Variants in ELN observed in about 807,000 individuals in gnomAD.
ELN encodes the protein elastin.
In ELN, 65 loss-of-function variants were observed where a neutral mutation model predicts 105.8. That is an observed-to-expected ratio of 0.61 (90% CI 0.50 to 0.75). The LOEUF (loss-of-function observed/expected upper bound fraction) is 0.75. Among genes scored for constraint, ELN ranks in the 30% least tolerant of loss-of-function variants. ELN has a pLI of 0.00. For synonymous variants in ELN, 368 were observed against 389.2 expected, an observed-to-expected ratio of 0.95 and a Z score of 0.64; for missense variants, 882 against 969.4, an observed-to-expected ratio of 0.91 and a Z score of 1.20.
intron 8 of ELN, 150 bp from the exon 9 acceptor site, chr7:74,043,729 T>C: frequency 1.1e-6 from 1 of 940,440 alleles, no homozygotes. Flanking sequence ...GGAGGAGGGT[T>C]GTGGCCACCC....
chr7:74,041,376 G>A, intron 5 of ELN, 125 bp downstream of exon 5: 3 of 1,234,088 alleles, frequency 2.4e-6, no homozygotes, highest in Non-Finnish European at 3.5e-6. Context: ...GGCACTGACG[G>A]GGACTGATGC....
At chr7:74,066,921 C>G (rs868986022) in intron 32 of ELN, 145 bp downstream of exon 32, 1 of 815,374 alleles carries the variant, frequency 1.2e-6, no homozygotes, top group Middle Eastern at 3.0e-4. Context: ...GGCTGGACCC[C>G]GAGCTGAATG....
chr7:74,061,935 G>A (rs1398157819), intron 26 of ELN, among the ~76,000 whole-genome samples: 1 of 152,136 alleles, frequency 6.6e-6, no homozygotes, highest in African/African-American at 2.4e-5. Context: ...TCTCTGGCCC[G>A]AGCAAAGGAG....
In ELN at chr7:74,057,341, G is replaced by A. The variant is rs545857145; in HGVS notation, c.1358-299G>A. The A allele has an allele frequency of 1.8e-5, 26 of 1,452,214 alleles. No individual in the cohort carries two copies. The South Asian group carries it at 3.6e-4, about 20-fold the overall frequency. 90.0% of individuals were successfully genotyped at this position (1,452,214 alleles called of 1,614,324 possible). On this transcript the variant is annotated intron_variant, in intron 21 of 32. Transcript: ENST00000252034. ...CCACCCTTGCTCCCCCAAAAAGTGA[G>A]TACTGGGAGGGGCAAGGCTGAAAGT... is the stretch of plus-strand genomic sequence containing the variant.
chr7:74,035,484 T>A, intron 2 of ELN, 70 bp downstream of exon 2: 6 of 1,571,574 alleles, frequency 3.8e-6, no homozygotes, highest in Non-Finnish European at 5.3e-6. Flanking sequence ...AGATGCACAT[T>A]TTGACACTAC....
intron 20 of ELN, 92 bp downstream of exon 20, chr7:74,056,527 C>T (rs1795266747): frequency 2.5e-6 from 4 of 1,604,692 alleles, no homozygotes; most frequent in Admixed American, 1.7e-5. Flanking sequence ...GACTGTAGAT[C>T]GGGCTTGAAT....
At position 74,064,420 on chromosome 7, in the gene ELN, A is replaced by AT. The variant is rs1554687696; in HGVS notation, c.1993+725_1993+726insT. ...ACAGAGCGAGACTCCGTCTCAAAAA[A>AT]AAAATATATATATATATATATATAT... On this transcript the variant is annotated intron_variant, in intron 29 of 32. Transcript: ENST00000252034. Among the ~76,000 whole-genome samples the AT allele has an allele frequency of 1.1e-3, 151 of 133,804 alleles. 1 individual carries two copies. Among genetic ancestry groups the AT allele is most frequent in the Admixed American group, 2.4e-3 (33 of 13,716 alleles). The allele number at this position is 133,804 out of a possible 152,430, so 87.8% of individuals were successfully genotyped here.
rs1257816722 is a variant in ELN at position 74,063,140 on chromosome 7, C to T, written c.1787-13C>T. 6.3e-7 allele frequency: 1 copy of T among 1,599,926 alleles called. No homozygotes were observed. Among genetic ancestry groups the T allele is most frequent in the African/African-American group, 1.3e-5 (1 of 74,868 alleles). The stretch of plus-strand genomic sequence containing the variant: ...CAGAAATGGAACACTCATTTTCCCT[C>T]CTCTCCCCGCAGGAGCAGCAGTGCC... On this transcript the variant is annotated splice_polypyrimidine_tract_variant and intron_variant, in intron 26 of 32. Coordinates refer to ENST00000252034, the MANE Select transcript of ELN (RefSeq NM_000501.4). The surrounding 1 kb of genome is among the most constrained non-coding windows in gnomAD (Gnocchi z 4.1).
In ELN at chr7:74,045,931, A is replaced by G. The variant is rs542268159; in HGVS notation, c.542-257A>G. 195 of 522,070 alleles carry G rather than the reference A, an allele frequency of 3.7e-4. 3 individuals are homozygous for G. The highest frequency in any genetic ancestry group is 2.2e-3 in the African/African-American group (114 of 52,152). 32.3% of individuals were successfully genotyped at this position (522,070 alleles called of 1,614,324 possible). On this transcript the variant is annotated intron_variant, in intron 10 of 32. Transcript: ENST00000252034. ...GCACCTGTAATCCCAGCTACTTGGGAGGCTGAGGCGGGAGAATCGCCAGAA... is the reference window on the plus strand; with the variant it reads ...GCACCTGTAATCCCAGCTACTTGGGGGGCTGAGGCGGGAGAATCGCCAGAA...
intron 32 of ELN, 75 bp from the exon 33 acceptor site, chr7:74,068,582 G>A (rs1798500302): frequency 6.3e-7 from 1 of 1,586,612 alleles, no homozygotes; most frequent in South Asian, 1.1e-5. Flanking sequence ...ATTCGAGTGG[G>A]TCAGAGCAGG....
chr7:74,059,508 CCT>C (rs1366303046), intron 22 of ELN: 2 of 341,352 alleles, frequency 5.9e-6, no homozygotes, highest in Non-Finnish European at 1.1e-5. Context: ...ATGGTGAAAC[CCT>C]GTCTCTACTA....
chr7:74,046,257 G>A (rs781849191), intron 11 of ELN, 40 bp downstream of exon 11: 23 of 1,613,924 alleles, frequency 1.4e-5, no homozygotes, highest in African/African-American at 5.3e-5. Flanking sequence ...TGGCCAGCCA[G>A]GCAGAGGCTC....
At chr7:74,053,390 A>C in intron 18 of ELN, 81 bp downstream of exon 18, 1 of 1,558,082 alleles carries the variant, frequency 6.4e-7, no homozygotes, top group Non-Finnish European at 8.7e-7. Flanking sequence ...CTATTGCCAA[A>C]ATTTTTGCAT....
intron 3 of ELN, 28 bp from the exon 4 acceptor site, chr7:74,037,679 C>T (rs896537913): frequency 6.2e-7 from 1 of 1,609,118 alleles, no homozygotes; most frequent in Non-Finnish European, 8.5e-7. Flanking sequence ...TGGGCCACCC[C>T]ATTCACTATC....
At chr7:74,029,151 G>A (rs1788097931) in intron 1 of ELN, among the ~76,000 whole-genome samples, 1 of 152,158 alleles carries the variant, frequency 6.6e-6, no homozygotes, top group African/African-American at 2.4e-5. Flanking sequence ...CTGGCATCCA[G>A]GTGTGACACT....
At position 74,063,550 on chromosome 7, in the gene ELN, G is replaced by A. The variant is rs982096389; in HGVS notation, c.1919-71G>A. 2.3e-5 allele frequency: 37 copies of A among 1,612,554 alleles called. No individual in the cohort carries two copies. The African/African-American group carries it at 3.3e-4, about 15-fold the overall frequency. On this transcript the variant is annotated intron_variant, in intron 28 of 32. Transcript: ENST00000252034. The surrounding 1 kb of genome is among the most constrained non-coding windows in gnomAD (Gnocchi z 4.1). The stretch of plus-strand genomic sequence containing the variant: ...ACCTGTGTCCCCAGAGGACACCTCC[G>A]CCCTCCACAGGCCGAGGCTTCAGTC...
In ELN at chr7:74,061,020, AG is replaced by A. The variant is rs1306589976; in HGVS notation, c.1748-78del. On this transcript the variant is annotated intron_variant, in intron 25 of 32. Coordinates refer to ENST00000252034, the MANE Select transcript of ELN (RefSeq NM_000501.4). The stretch of plus-strand genomic sequence containing the variant: ...GCAATAGAGGCCAAGGAAGTCAGGG[AG>A]GGCTCTCTAGAGGAGGCGGCAGAAC... 3.9e-6 allele frequency: 6 copies of A among 1,552,388 alleles called. No individual in the cohort carries two copies. In the African/African-American group the frequency reaches 8.1e-5, roughly 21 times the overall value.
intron 5 of ELN, among the ~76,000 whole-genome samples, 165 bp from the exon 6 acceptor site, chr7:74,042,449 C>G (rs1791448429): frequency 6.6e-6 from 1 of 151,996 alleles, no homozygotes; most frequent in African/African-American, 2.4e-5. Flanking sequence ...AATCCATTAC[C>G]GGTGAGCAGT....
chr7:74,068,175 G>T (rs1195522824), intron 32 of ELN, among the ~76,000 whole-genome samples: 1 of 152,134 alleles, frequency 6.6e-6, no homozygotes, highest in African/African-American at 2.4e-5. Context: ...TTGAGTCCCA[G>T]CTCAGACACT....
Sources: allele counts gnomAD v4.1 joint callset (sites outside exome capture counted in the v4.1 genomes callset), GRCh38; gene constraint gnomAD v4.1.1; non-coding constraint Gnocchi (gnomAD v3.1); transcripts MANE v1.5; gene names NCBI Gene and HGNC (gene_info 2026-07-23, HGNC 2026-07-21).